Variants in DPYS observed in about 807,000 individuals in gnomAD.
DPYS encodes the protein dihydropyrimidinase.
In DPYS, 39 loss-of-function variants were observed where a neutral mutation model predicts 50.3. The observed-to-expected ratio is 0.78, with a 90% CI of 0.60 to 1.01. DPYS has a LOEUF of 1.01. Ranked by LOEUF, DPYS falls within the 50% of genes least tolerant of loss-of-function variation. The probability of loss-of-function intolerance (pLI) is 0.00; values close to 1 mark genes in which losing one functional copy is unlikely to be tolerated. For synonymous variants in DPYS, 245 were observed against 250.7 expected (o/e 0.98, Z 0.22); for missense variants, 659 against 680.9 (o/e 0.97, Z 0.36).
intron 7 of DPYS, among the ~76,000 whole-genome samples, chr8:104,418,167 A>T (rs745812861): frequency 5.9e-5 from 9 of 152,214 alleles, no homozygotes; most frequent in Admixed American, 3.9e-4. Context: ...AGCAGCTCGA[A>T]TGGCCTGGCT....
At chr8:104,437,193 G>A (rs925257268) in intron 4 of DPYS, among the ~76,000 whole-genome samples, 22 of 152,126 alleles carry the variant, frequency 1.4e-4, no homozygotes, top group Non-Finnish European at 2.8e-4. Context: ...AAGCTCAGTC[G>A]TCAGATTGAT....
intron 9 of DPYS, among the ~76,000 whole-genome samples, chr8:104,380,067 C>T (rs1810981646): frequency 6.6e-6 from 1 of 152,030 alleles, no homozygotes; most frequent in South Asian, 2.1e-4. Context: ...TAATTCTGGT[C>T]GTCTGAAAAT....
At chr8:104,441,764 C>T (rs57758950) in intron 4 of DPYS, among the ~76,000 whole-genome samples, 25,663 of 152,150 alleles carry the variant, frequency 0.17, 2,447 homozygotes, top group African/African-American at 0.24. Context: ...ATGGCATATG[C>T]GTAAGGCCAT....
At chr8:104,416,193 T>C (rs1247709807) in intron 7 of DPYS, among the ~76,000 whole-genome samples, 1 of 152,178 alleles carries the variant, frequency 6.6e-6, no homozygotes, top group Non-Finnish European at 1.5e-5. Flanking sequence ...TCCCCCCCAA[T>C]AGCCCAGATG....
chr8:104,453,497 G>A (rs992756428), intron 1 of DPYS, among the ~76,000 whole-genome samples: 3 of 152,274 alleles, frequency 2.0e-5, no homozygotes, highest in Non-Finnish European at 4.4e-5. Flanking sequence ...AGCATCTACT[G>A]AACTAGAAAA....
At chr8:104,464,924 A>C (rs960607831) in intron 1 of DPYS, among the ~76,000 whole-genome samples, 1 of 152,230 alleles carries the variant, frequency 6.6e-6, no homozygotes, top group South Asian at 2.1e-4. Context: ...AAAATGAATA[A>C]ACAAAACAAA....
At chr8:104,444,539 G>T in intron 3 of DPYS, 102 bp from the exon 4 acceptor site, 2 of 1,299,252 alleles carry the variant, frequency 1.5e-6, no homozygotes, top group Non-Finnish European at 2.2e-6. Context: ...CTTTTGATCT[G>T]TTAGGTATAG....
intron 7 of DPYS, among the ~76,000 whole-genome samples, chr8:104,398,912 A>C (rs1225819321): frequency 6.6e-6 from 1 of 152,206 alleles, no homozygotes; most frequent in African/African-American, 2.4e-5. Flanking sequence ...TCAGACTCAC[A>C]TAACCTCCCC....
intron 7 of DPYS, among the ~76,000 whole-genome samples, chr8:104,414,389 T>C (rs1342817848): frequency 6.6e-6 from 1 of 151,702 alleles, no homozygotes; most frequent in Non-Finnish European, 1.5e-5. Flanking sequence ...ACTACAGGAG[T>C]TTTTGAGGCA....
intron 4 of DPYS, among the ~76,000 whole-genome samples, chr8:104,443,701 T>C (rs1588449272): frequency 6.6e-6 from 1 of 152,162 alleles, no homozygotes; most frequent in South Asian, 2.1e-4. Context: ...GAGACTAGCC[T>C]GGCCAACATG....
At chr8:104,392,469 C>T (rs1369523912) in intron 8 of DPYS, among the ~76,000 whole-genome samples, 1 of 152,162 alleles carries the variant, frequency 6.6e-6, no homozygotes, top group Non-Finnish European at 1.5e-5. Context: ...AAAACTCATA[C>T]ACCTTTATCC....
chr8:104,454,070 A>G (rs1394906637), intron 1 of DPYS, among the ~76,000 whole-genome samples: 1 of 152,096 alleles, frequency 6.6e-6, no homozygotes, highest in Non-Finnish European at 1.5e-5. Context: ...GCTAAAGGGT[A>G]TGGTGTTTCT....
chr8:104,429,435 T>A (rs1047990670), intron 5 of DPYS, 110 bp downstream of exon 5: 1 of 1,460,994 alleles, frequency 6.8e-7, no homozygotes, highest in South Asian at 1.2e-5. Flanking sequence ...ACAGGTCAAG[T>A]AGAAGAGAAT....
intron 4 of DPYS, 40 bp from the exon 5 acceptor site, chr8:104,429,741 T>C: frequency 6.2e-7 from 1 of 1,612,524 alleles, no homozygotes; most frequent in Non-Finnish European, 8.5e-7. Context: ...TTTAATTTTA[T>C]TCTTAAGAGG....
intron 6 of DPYS, among the ~76,000 whole-genome samples, chr8:104,424,826 CT>C (rs11291771): frequency 0.44 from 59,663 of 135,506 alleles, 12,036 homozygotes; most frequent in African/African-American, 0.49. Flanking sequence ...GGTGACAACA[CT>C]TTTTTTTTTT....
intron 1 of DPYS, among the ~76,000 whole-genome samples, chr8:104,465,147 G>A (rs1814316366): frequency 6.6e-6 from 1 of 152,144 alleles, no homozygotes; most frequent in African/African-American, 2.4e-5. Context: ...AACTTGGAGA[G>A]GGGGAGGTGT....
rs560067233 is a variant in DPYS at position 104,459,090 on chromosome 8, A to T, written c.264+7567T>A. On this transcript the variant is annotated intron_variant, in intron 1 of 9. Coordinates refer to ENST00000351513, the MANE Select transcript of DPYS (RefSeq NM_001385.3). Reference sequence around the variant, plus strand: ...GATGCAATGAAACATAACAGAAAAAATTGAAGTGTCCTTTCTCAACTTGTT... The same window carrying T: ...GATGCAATGAAACATAACAGAAAAATTTGAAGTGTCCTTTCTCAACTTGTT... 2.6e-5 allele frequency among the ~76,000 whole-genome samples: 4 copies of T among 152,334 alleles called. No individual in the cohort carries two copies. In the South Asian group the frequency reaches 8.3e-4, roughly 32 times the overall value.
chr8:104,458,001 C>T (rs751857868), intron 1 of DPYS, among the ~76,000 whole-genome samples: 26 of 152,220 alleles, frequency 1.7e-4, no homozygotes, highest in African/African-American at 4.3e-4. Context: ...GTGCCACCTT[C>T]GTCTTCCCAC....
At chr8:104,450,942 A>G (rs1016867968) in intron 2 of DPYS, among the ~76,000 whole-genome samples, 2 of 152,232 alleles carry the variant, frequency 1.3e-5, no homozygotes, top group African/African-American at 2.4e-5. Flanking sequence ...AGAAATCAGT[A>G]TATTAAACAT....
Sources: gnomAD v4.1 joint callset for allele counts (sites outside exome capture counted in the v4.1 genomes callset) on GRCh38, gnomAD v4.1.1 for gene constraint, MANE v1.5 for transcripts, NCBI Gene and HGNC (gene_info 2026-07-23, HGNC 2026-07-21) for gene names.